ZNF503: variants seen among roughly 807,000 people sequenced by gnomAD.
ZNF503 encodes the protein NocA-like zinc finger 2.
ZNF503 carries 15 observed loss-of-function variants against 34.4 expected under a neutral mutation model. That is an observed-to-expected ratio of 0.44 (90% CI 0.29 to 0.67). ZNF503 has a LOEUF of 0.67. Among genes scored for constraint, ZNF503 ranks in the 30% least tolerant of loss-of-function variants. The pLI, the probability that ZNF503 is intolerant of heterozygous loss-of-function variation, is 0.13. For missense variants in ZNF503, 1,007 were observed against 926.8 expected (o/e 1.09, Z -1.12); for synonymous variants, 580 against 456.8 (o/e 1.27, Z -3.44).
rs759155569 is a variant in ZNF503 at position 75,401,757 on chromosome 10, G to A, written c.-338C>T. The A allele has an allele frequency of 1.8e-4, 62 of 343,804 alleles. No homozygotes were observed. Among genetic ancestry groups the A allele is most frequent in the Non-Finnish European group, 5.2e-5 (10 of 191,166 alleles). 21.3% of individuals were successfully genotyped at this position (343,804 alleles called of 1,614,324 possible). A position where few individuals can be genotyped will look rare whatever the true frequency, so the allele number is the denominator to read the frequency against. The stretch of plus-strand genomic sequence containing the variant: ...GATGCGAGCCGCTGCGTGTCCAGCC[G>A]GGGCTCTGGCGAGGAAACTCACTTC... On this transcript the variant is annotated 5_prime_UTR_variant, in exon 1 of 2. Coordinates refer to ENST00000372524, the MANE Select transcript of ZNF503 (RefSeq NM_032772.6).
chr10:75,365,329 G>T, the ZNF503 span, among the ~76,000 whole-genome samples: 1 of 152,108 alleles, frequency 6.6e-6, no homozygotes, highest in East Asian at 1.9e-4. Flanking sequence ...TGTATTTTTA[G>T]TAGAGACGGG....
At chr10:75,367,664 C>T in the ZNF503 span, among the ~76,000 whole-genome samples, 1 of 152,134 alleles carries the variant, frequency 6.6e-6, no homozygotes, top group East Asian at 1.9e-4. Context: ...GTTTGTGCAG[C>T]GATTTGCATA....
the ZNF503 span, among the ~76,000 whole-genome samples, chr10:75,309,230 T>C: frequency 1.3e-5 from 2 of 152,174 alleles, no homozygotes. Flanking sequence ...ATTGTTGAAA[T>C]GACAACAAAG....
chr10:75,380,707 A>G, the ZNF503 span, among the ~76,000 whole-genome samples: 1 of 152,242 alleles, frequency 6.6e-6, no homozygotes, highest in Non-Finnish European at 1.5e-5. Context: ...ATCATGTCAA[A>G]GAGCAAAGGT....
At chr10:75,349,798 A>G in the ZNF503 span, among the ~76,000 whole-genome samples, 580 of 152,364 alleles carry the variant, frequency 3.8e-3, 3 homozygotes, top group Middle Eastern at 6.8e-3. Context: ...ACCCAGAACC[A>G]GGGTCCAAAT....
At chr10:75,382,581 T>C in the ZNF503 span, 1 of 447,048 alleles carries the variant, frequency 2.2e-6, no homozygotes, top group Admixed American at 3.2e-5. Context: ...ATTGGAGAGT[T>C]TTCTTGTTTA....
the ZNF503 span, among the ~76,000 whole-genome samples, chr10:75,344,606 A>G: frequency 6.6e-6 from 1 of 152,198 alleles, no homozygotes; most frequent in Non-Finnish European, 1.5e-5. Flanking sequence ...AACTGTAGTG[A>G]CACCAGCCCT....
the ZNF503 span, among the ~76,000 whole-genome samples, chr10:75,356,623 T>G: frequency 2.0e-5 from 3 of 152,232 alleles, no homozygotes; most frequent in Non-Finnish European, 4.4e-5. Context: ...ACATCATTCA[T>G]TCAGTCAGCA....
chr10:75,282,347 AC>A, the ZNF503 span, among the ~76,000 whole-genome samples: 1 of 151,916 alleles, frequency 6.6e-6, no homozygotes, highest in Non-Finnish European at 1.5e-5. Flanking sequence ...TTTTTTTTAA[AC>A]CCTCTTCCCT....
chr10:75,382,065 C>T, the ZNF503 span, among the ~76,000 whole-genome samples: 10 of 151,960 alleles, frequency 6.6e-5, no homozygotes, highest in Non-Finnish European at 1.3e-4. Context: ...TTGCCTTGGC[C>T]TCCCAAAGTG....
the ZNF503 span, among the ~76,000 whole-genome samples, chr10:75,372,479 C>G: frequency 6.6e-6 from 1 of 152,220 alleles, no homozygotes; most frequent in Non-Finnish European, 1.5e-5. Flanking sequence ...AGCATCAAAA[C>G]AGTTCAAAGT....
chr10:75,317,944 T>C, the ZNF503 span, among the ~76,000 whole-genome samples: 37,725 of 152,016 alleles, frequency 0.25, 5,664 homozygotes, highest in African/African-American at 0.42. Flanking sequence ...TGCAGTGAGC[T>C]GAGATCACAC....
the ZNF503 span, among the ~76,000 whole-genome samples, chr10:75,284,691 C>A: frequency 6.6e-6 from 1 of 152,074 alleles, no homozygotes; most frequent in Non-Finnish European, 1.5e-5. Flanking sequence ...ATGGTCTCAC[C>A]ACCAGGTGGA....
the ZNF503 span, among the ~76,000 whole-genome samples, chr10:75,306,943 C>A: frequency 1.3e-5 from 2 of 152,060 alleles, no homozygotes; most frequent in South Asian, 4.1e-4. Context: ...TTTCCTTGGA[C>A]TTCCCTATTC....
At chr10:75,317,762 G>A in the ZNF503 span, among the ~76,000 whole-genome samples, 2 of 152,132 alleles carry the variant, frequency 1.3e-5, no homozygotes, top group Non-Finnish European at 2.9e-5. Context: ...TCGGGAGGCC[G>A]AGGTGAGCAG....
the ZNF503 span, among the ~76,000 whole-genome samples, chr10:75,302,316 A>T: frequency 1.3e-5 from 2 of 152,056 alleles, no homozygotes; most frequent in Admixed American, 6.5e-5. Flanking sequence ...TAGGCTTTCA[A>T]CAGTTTTACT....
chr10:75,307,484 A>G, the ZNF503 span, among the ~76,000 whole-genome samples: 442 of 152,396 alleles, frequency 2.9e-3, 3 homozygotes, highest in Non-Finnish European at 4.8e-3. Flanking sequence ...TCTCCAAAAC[A>G]TAATAGTGCA....
At chr10:75,333,590 C>CG in the ZNF503 span, among the ~76,000 whole-genome samples, 1 of 54,586 alleles carries the variant, frequency 1.8e-5, no homozygotes, top group Non-Finnish European at 3.5e-5. Flanking sequence ...GGGGGGCTGA[C>CG]CCCCCCACCT....
the ZNF503 span, among the ~76,000 whole-genome samples, chr10:75,305,254 A>G: frequency 3.3e-5 from 5 of 152,092 alleles, no homozygotes; most frequent in African/African-American, 1.2e-4. Context: ...GTTCTGTAAC[A>G]AATTAACAGA....
Sources: allele counts gnomAD v4.1 joint callset (sites outside exome capture counted in the v4.1 genomes callset), GRCh38; gene constraint gnomAD v4.1.1; transcripts MANE v1.5; gene names NCBI Gene and HGNC (gene_info 2026-07-23, HGNC 2026-07-21).